LCOR: variants seen among roughly 807,000 people sequenced by gnomAD.
LCOR encodes the protein ligand-dependent corepressor.
LCOR carries 14 observed loss-of-function variants against 64.4 expected under a neutral mutation model. That is an observed-to-expected ratio of 0.22 (90% CI 0.14 to 0.34). LCOR has a LOEUF of 0.34. LCOR is among the 10% of genes least tolerant of loss of function. The pLI, the probability that LCOR is intolerant of heterozygous loss-of-function variation, is 1.00. For missense variants in LCOR, 1,686 were observed against 1,765.3 expected (o/e 0.96, Z 0.80); for synonymous variants, 643 against 642.5 (o/e 1.00, Z -0.01).
chr10:96,946,121 T>A (rs1451976472), intron 5 of LCOR, among the ~76,000 whole-genome samples: 1 of 152,028 alleles, frequency 6.6e-6, no homozygotes, highest in African/African-American at 2.4e-5. Flanking sequence ...TTTCTTCCCC[T>A]TTATGTATTA....
intron 4 of LCOR, among the ~76,000 whole-genome samples, chr10:96,910,831 T>A (rs1043579621): frequency 1.3e-5 from 2 of 152,200 alleles, no homozygotes; most frequent in Admixed American, 6.5e-5. Flanking sequence ...ATGCATACTT[T>A]TAGCTAGTTG....
chr10:96,920,551 T>A (rs972402808), intron 4 of LCOR, among the ~76,000 whole-genome samples: 7 of 147,376 alleles, frequency 4.7e-5, no homozygotes, highest in Non-Finnish European at 7.4e-5. Context: ...TATATTCATA[T>A]ATATGTGTAT....
intron 5 of LCOR, among the ~76,000 whole-genome samples, chr10:96,945,150 G>A (rs760287697): frequency 2.0e-5 from 3 of 152,070 alleles, no homozygotes; most frequent in Non-Finnish European, 4.4e-5. Context: ...TTAATCTTCA[G>A]CAGACTCAGT....
chr10:96,887,083 T>G (rs1180565014), intron 2 of LCOR, among the ~76,000 whole-genome samples: 1 of 152,190 alleles, frequency 6.6e-6, no homozygotes, highest in Non-Finnish European at 1.5e-5. Context: ...GATATTAAGG[T>G]GTCATTTCCC....
rs1564647797 is a variant in LCOR at position 96,989,697 on chromosome 10, T to TATA, written c.*4563_*4564insATA. ...AGGATATATATATATATATATATATTTTTTTTTTTTTTTTTTTTTTTTAAT... is the reference window on the plus strand; with the variant it reads ...AGGATATATATATATATATATATATTATATTTTTTTTTTTTTTTTTTTTTTAAT... On this transcript the variant is annotated 3_prime_UTR_variant, in exon 8 of 8. Transcript: ENST00000421806. 1.2e-3 allele frequency: 57 copies of TATA among 47,114 alleles called. No homozygotes were observed. Among genetic ancestry groups the TATA allele is most frequent in the African/African-American group, 3.4e-3 (29 of 8,604 alleles). The allele number at this position is 47,114 out of a possible 1,614,324, so 2.9% of individuals were successfully genotyped here.
intron 7 of LCOR, chr10:96,955,900 C>T (rs1473667165): frequency 6.2e-7 from 1 of 1,610,728 alleles, no homozygotes; most frequent in Non-Finnish European, 8.5e-7. Flanking sequence ...GCACAAAGTG[C>T]AAATGAATCA....
intron 2 of LCOR, among the ~76,000 whole-genome samples, chr10:96,860,881 GC>G (rs1845877087): frequency 6.6e-6 from 1 of 152,128 alleles, no homozygotes; most frequent in African/African-American, 2.4e-5. Context: ...AAAGTGAAAC[GC>G]CTACAGTAAA....
intron 4 of LCOR, among the ~76,000 whole-genome samples, chr10:96,920,696 GTT>G (rs1795218328): frequency 7.4e-6 from 1 of 136,008 alleles, no homozygotes; most frequent in African/African-American, 3.1e-5. Flanking sequence ...GTGTATATAT[GTT>G]CATATATGTG....
chr10:96,875,131 T>A (rs1846141433), intron 2 of LCOR, among the ~76,000 whole-genome samples: 1 of 151,352 alleles, frequency 6.6e-6, no homozygotes, highest in Non-Finnish European at 1.5e-5. Context: ...ACACCTGTAA[T>A]CCCAGAACTT....
chr10:96,960,233 C>CA (rs1471291773), intron 7 of LCOR: 5 of 152,364 alleles, frequency 3.3e-5, no homozygotes, highest in African/African-American at 1.2e-4. Flanking sequence ...CACACAGTGC[C>CA]AGGCCTGGTT....
intron 2 of LCOR, among the ~76,000 whole-genome samples, chr10:96,885,577 T>TA (rs1445313893): frequency 2.2e-5 from 3 of 137,022 alleles, no homozygotes; most frequent in Non-Finnish European, 4.6e-5. Context: ...TTTTTTTTTT[T>TA]AGTAGAGTCA....
intron 7 of LCOR, chr10:96,955,928 C>A (rs753613252): frequency 1.6e-5 from 26 of 1,607,674 alleles, no homozygotes; most frequent in Non-Finnish European, 2.1e-5. Context: ...AGTAGGAATA[C>A]TGTAGAGTGC....
chr10:96,970,624 A>ATTTTAT (rs1181172810), intron 7 of LCOR, among the ~76,000 whole-genome samples: 3 of 129,288 alleles, frequency 2.3e-5, no homozygotes, highest in East Asian at 2.7e-4. Context: ...ATTTTATTTT[A>ATTTTAT]TTTATTTTAT....
chr10:96,883,326 CCA>C (rs1846293533), intron 2 of LCOR, among the ~76,000 whole-genome samples: 1 of 152,206 alleles, frequency 6.6e-6, no homozygotes, highest in African/African-American at 2.4e-5. Flanking sequence ...AGCCACTGCC[CCA>C]GCCTGTGTGC....
rs191232010 is a variant in LCOR at position 96,894,747 on chromosome 10, A to T, written c.-329-12518A>T. Among the ~76,000 whole-genome samples, 518 of 152,360 alleles carry T rather than the reference A, an allele frequency of 3.4e-3. 8 individuals are homozygous for T. In the South Asian group the frequency reaches 0.054, roughly 16 times the overall value. On this transcript the variant is annotated intron_variant, in intron 2 of 7. Transcript: ENST00000421806. ...AGTGTGGTAAAAAGTAATGATTTTT[A>T]AAATATATAAATTAGATATATTTAG...
chr10:96,970,808 G>T (rs1002802054), intron 7 of LCOR, among the ~76,000 whole-genome samples: 6 of 151,552 alleles, frequency 4.0e-5, no homozygotes, highest in African/African-American at 1.5e-4. Context: ...TAGTAGAGAC[G>T]GGGTTTTGCC....
At chr10:96,907,197 T>TA (rs397845194) in intron 2 of LCOR, 68 bp from the exon 3 acceptor site, 1 of 477,888 alleles carries the variant, frequency 2.1e-6, no homozygotes, top group Non-Finnish European at 2.7e-6. Flanking sequence ...TTTTTTTTTT[T>TA]ATGCAAAGAT....
At chr10:96,940,303 ATTT>A (rs552752409) in intron 4 of LCOR, among the ~76,000 whole-genome samples, 1,426 of 65,364 alleles carry the variant, frequency 0.022, 19 homozygotes, top group African/African-American at 0.057. Context: ...GGTGGTCATG[ATTT>A]TTTTTTTTTT....
chr10:96,892,787 C>A (rs1319586949), intron 2 of LCOR, among the ~76,000 whole-genome samples: 5 of 152,130 alleles, frequency 3.3e-5, no homozygotes, highest in African/African-American at 1.2e-4. Context: ...TGGGCTTTTT[C>A]TTTTCTTTCA....
Sources: allele counts gnomAD v4.1 joint callset (sites outside exome capture counted in the v4.1 genomes callset), GRCh38; gene constraint gnomAD v4.1.1; transcripts MANE v1.5; gene names NCBI Gene and HGNC (gene_info 2026-07-23, HGNC 2026-07-21).